Variants in CNOT4 observed in about 807,000 individuals in gnomAD.
The protein encoded by CNOT4 is CCR4-associated factor 4.
A neutral mutation model predicts 73.8 loss-of-function variants in CNOT4; 8 were observed. The ratio of observed to expected loss-of-function variants is 0.11; its 90% CI spans 0.06 to 0.20. CNOT4 has a LOEUF of 0.20. Ranked by LOEUF, CNOT4 falls within the 10% of genes least tolerant of loss-of-function variation. CNOT4 has a pLI of 1.00. For synonymous variants in CNOT4, 293 were observed against 321.1 expected (o/e 0.91, Z 0.94); for missense variants, 564 against 883.4 (o/e 0.64, Z 4.58).
intron 2 of CNOT4, among the ~76,000 whole-genome samples, chr7:135,427,978 A>G (rs1798601517): frequency 6.6e-6 from 1 of 152,198 alleles, no homozygotes; most frequent in Admixed American, 6.5e-5. Context: ...GCTGAGATAC[A>G]GCCCACCTCC....
chr7:135,450,771 G>A (rs931949188), intron 1 of CNOT4, among the ~76,000 whole-genome samples: 2 of 152,118 alleles, frequency 1.3e-5, no homozygotes, highest in African/African-American at 4.8e-5. Flanking sequence ...ATTTAAAAAG[G>A]ATAAAATGTC....
intron 1 of CNOT4, among the ~76,000 whole-genome samples, chr7:135,441,783 G>C (rs1046441336): frequency 6.6e-6 from 1 of 152,072 alleles, no homozygotes; most frequent in African/African-American, 2.4e-5. Flanking sequence ...CTTTTTGATT[G>C]TTTCTGTTTT....
intron 1 of CNOT4, among the ~76,000 whole-genome samples, chr7:135,458,104 C>T (rs1800657680): frequency 6.6e-6 from 1 of 152,036 alleles, no homozygotes; most frequent in Non-Finnish European, 1.5e-5. Context: ...GTTATTTCAC[C>T]TACACAGGCA....
chr7:135,377,714 C>T (rs1192052352), intron 10 of CNOT4, among the ~76,000 whole-genome samples: 2 of 152,050 alleles, frequency 1.3e-5, no homozygotes, highest in African/African-American at 4.8e-5. Context: ...ACTAAGGGGC[C>T]GTAGTTTAAA....
Position 135,364,135 on chromosome 7 carries a change from G to T in CNOT4, c.1628-69C>A. The T allele has an allele frequency of 3.6e-6, 4 of 1,115,788 alleles. 1 individual carries two copies. The highest frequency in any genetic ancestry group is 2.9e-5 in the South Asian group (2 of 69,688). 69.1% of individuals were successfully genotyped at this position (1,115,788 alleles called of 1,614,324 possible). On this transcript the variant is annotated intron_variant, in intron 10 of 11. Transcript: ENST00000541284. This position sits in a 1 kb window ranked among gnomAD's most constrained non-coding sequence, Gnocchi z 4.3. ...AAAAGCTACGTTAGAAACATATGTT[G>T]TTCTTTAGTGGTTAAGCGGGAGAAG...
intron 7 of CNOT4, among the ~76,000 whole-genome samples, chr7:135,403,175 T>C (rs1797093407): frequency 6.6e-6 from 1 of 152,204 alleles, no homozygotes; most frequent in African/African-American, 2.4e-5. Flanking sequence ...TTCACTGTCA[T>C]GTTACCATAT....
At chr7:135,397,433 C>T (rs994552111) in intron 8 of CNOT4, among the ~76,000 whole-genome samples, 2 of 151,966 alleles carry the variant, frequency 1.3e-5, no homozygotes, top group African/African-American at 4.8e-5. Context: ...TACAGATTTC[C>T]ACATTCTTTT....
At chr7:135,493,534 G>A (rs558952757) in intron 1 of CNOT4, among the ~76,000 whole-genome samples, 1 of 152,226 alleles carries the variant, frequency 6.6e-6, no homozygotes, top group East Asian at 1.9e-4. Context: ...GAATTCCACT[G>A]GGTTGCACAA....
At chr7:135,468,002 T>G (rs6467591) in intron 1 of CNOT4, among the ~76,000 whole-genome samples, 5 of 151,102 alleles carry the variant, frequency 3.3e-5, no homozygotes, top group African/African-American at 1.2e-4. Context: ...GCTCACGAGG[T>G]CAGAAGATTG....
At chr7:135,383,573 T>C (rs1356322304) in intron 10 of CNOT4, among the ~76,000 whole-genome samples, 1 of 152,244 alleles carries the variant, frequency 6.6e-6, no homozygotes, top group Non-Finnish European at 1.5e-5. Context: ...CCATGCTTTC[T>C]ACAATTCTCT....
At chr7:135,455,831 G>A (rs558780318) in intron 1 of CNOT4, among the ~76,000 whole-genome samples, 1 of 152,246 alleles carries the variant, frequency 6.6e-6, no homozygotes, top group African/African-American at 2.4e-5. Context: ...TTGCACCACT[G>A]CACTCCAGCC....
At chr7:135,369,364 A>G (rs893386036) in intron 10 of CNOT4, among the ~76,000 whole-genome samples, 3 of 152,098 alleles carry the variant, frequency 2.0e-5, no homozygotes, top group Non-Finnish European at 2.9e-5. Flanking sequence ...CCCCCTCCTC[A>G]AGGTCTTCTC....
intron 7 of CNOT4, among the ~76,000 whole-genome samples, chr7:135,407,406 C>G (rs550883188): frequency 4.9e-4 from 74 of 152,190 alleles, no homozygotes; most frequent in African/African-American, 1.7e-3. Context: ...TGAGGAATAA[C>G]AAGGTATTTC....
intron 3 of CNOT4, among the ~76,000 whole-genome samples, chr7:135,420,577 CAAAAAAAAAAAA>C (rs71174521): frequency 1.9e-5 from 1 of 53,370 alleles, no homozygotes; most frequent in Non-Finnish European, 3.5e-5. Flanking sequence ...ACCATGTCTC[CAAAAAAAAAAAA>C]AAAAAAAAAA....
At chr7:135,482,537 G>A (rs1802447077) in intron 1 of CNOT4, among the ~76,000 whole-genome samples, 1 of 151,948 alleles carries the variant, frequency 6.6e-6, no homozygotes, top group African/African-American at 2.4e-5. Flanking sequence ...GGCTGACAGA[G>A]CGAGACCCTG....
chr7:135,363,107 G>A lies in CNOT4; in HGVS notation c.1920C>T (p.Ala640=), dbSNP rs1387730117. 3.1e-6 allele frequency: 5 copies of A among 1,613,876 alleles called. No individual in the cohort carries two copies. Among genetic ancestry groups the A allele is most frequent in the Non-Finnish European group, 4.2e-6 (5 of 1,180,016 alleles). The change falls in exon 12 of 12, where the codon GCC becomes GCT. Residue 640 remains alanine (A), a synonymous_variant. Transcript: ENST00000541284. The surrounding 1 kb of genome is among the most constrained non-coding windows in gnomAD (Gnocchi z 4.3). ...NPPHWLKSLQ[A]LTEMDGPSAA... ...CGCTGGGGCCGTCCATCTCTGTGAG[G>A]GCCTGAAGGGATTTTAGCCAGTGTG...
In CNOT4 at chr7:135,362,651, GA is replaced by G. The variant is rs1294658789; in HGVS notation, c.*233del. ...TTCTCTCCTTAAAAAGGCATTTTTA[GA>G]AACATTCAACAGTGTCACTCAAATG... On this transcript the variant is annotated 3_prime_UTR_variant, in exon 12 of 12. Transcript: ENST00000541284. 6.4e-6 allele frequency: 4 copies of G among 622,844 alleles called. No homozygotes were observed. Among genetic ancestry groups the G allele is most frequent in the African/African-American group, 3.7e-5 (2 of 54,150 alleles). The allele number at this position is 622,844 out of a possible 1,614,324, so 38.6% of individuals were successfully genotyped here.
chr7:135,464,764 A>T lies in CNOT4; in HGVS notation c.-92-26341T>A, dbSNP rs541918537. Among the ~76,000 whole-genome samples, 52 of 151,952 alleles carry T rather than the reference A, an allele frequency of 3.4e-4. 1 individual carries two copies. Among genetic ancestry groups the T allele is most frequent in the African/African-American group, 1.2e-3 (49 of 41,558 alleles). ...AAATTTTAAAATAAAATTTAAAAAT[A>T]AAAAATAAAATAATTTTATAATTCT... On this transcript the variant is annotated intron_variant, in intron 1 of 11. Transcript: ENST00000541284.
intron 1 of CNOT4, among the ~76,000 whole-genome samples, chr7:135,494,709 G>A (rs908893825): frequency 2.6e-5 from 4 of 152,042 alleles, no homozygotes; most frequent in African/African-American, 7.2e-5. Flanking sequence ...CAGAACATAA[G>A]TGTTATAGAA....
Sources: allele counts gnomAD v4.1 joint callset (sites outside exome capture counted in the v4.1 genomes callset), GRCh38; gene constraint gnomAD v4.1.1; non-coding constraint Gnocchi (gnomAD v3.1); transcripts MANE v1.5; gene names NCBI Gene and HGNC (gene_info 2026-07-23, HGNC 2026-07-21).